The following LHFPL3 variants were observed in gnomAD, a reference collection of about 807,000 sequenced individuals.
LHFPL3 encodes the protein LHFPL tetraspan subfamily member 3 protein.
In LHFPL3, 5 loss-of-function variants were observed where a neutral mutation model predicts 19.3. The observed-to-expected ratio is 0.26, with a 90% confidence interval of 0.14 to 0.54. The LOEUF is 0.54. Among genes scored for constraint, LHFPL3 ranks in the 20% least tolerant of loss-of-function variants. The pLI is 0.94. For synonymous variants in LHFPL3, 133 were observed against 126.2 expected (o/e 1.05, Z -0.36); for missense variants, 249 against 307.4 (o/e 0.81, Z 1.42).
intron 1 of LHFPL3, among the ~76,000 whole-genome samples, chr7:104,705,542 A>G (rs964309224): frequency 1.1e-4 from 16 of 152,176 alleles, no homozygotes; most frequent in African/African-American, 3.9e-4. Flanking sequence ...TATGAGTAGG[A>G]GTCCCCAGGT....
At chr7:104,428,722 G>C (rs1008113836) in intron 1 of LHFPL3, among the ~76,000 whole-genome samples, 22 of 152,038 alleles carry the variant, frequency 1.4e-4, no homozygotes, top group African/African-American at 5.1e-4. Flanking sequence ...TTACTTTTTA[G>C]TTATTTTCAT....
chr7:104,431,920 G>A (rs1201111519), intron 1 of LHFPL3, among the ~76,000 whole-genome samples: 1 of 152,158 alleles, frequency 6.6e-6, no homozygotes, highest in Admixed American at 6.5e-5. Flanking sequence ...GACTGGGAGA[G>A]GAGGTAGAGG....
chr7:104,767,345 C>T (rs978708037), intron 2 of LHFPL3, among the ~76,000 whole-genome samples: 9 of 152,186 alleles, frequency 5.9e-5, no homozygotes, highest in Admixed American at 5.9e-4. Flanking sequence ...CCAGAGGTGC[C>T]TCTGGCAGAT....
chr7:104,776,742 T>C (rs556836541), intron 2 of LHFPL3, among the ~76,000 whole-genome samples: 8 of 152,352 alleles, frequency 5.3e-5, no homozygotes, highest in African/African-American at 1.9e-4. Flanking sequence ...ACAGTTCCCC[T>C]GTATTTGGTT....
chr7:104,586,992 T>C (rs962207906), intron 1 of LHFPL3, among the ~76,000 whole-genome samples: 13 of 152,144 alleles, frequency 8.5e-5, no homozygotes, highest in Non-Finnish European at 7.4e-5. Context: ...TTACTGTATA[T>C]GAGTGTGAAA....
intron 1 of LHFPL3, among the ~76,000 whole-genome samples, chr7:104,597,457 A>G (rs1378411770): frequency 6.6e-6 from 1 of 152,336 alleles, no homozygotes. Context: ...GGCTGCTGAT[A>G]ATGCAGTCAT....
intron 1 of LHFPL3, among the ~76,000 whole-genome samples, chr7:104,379,376 T>G (rs1272074261): frequency 6.6e-6 from 1 of 152,198 alleles, no homozygotes; most frequent in East Asian, 1.9e-4. Context: ...ATTGGGAATT[T>G]CCCTTGTAAG....
intron 2 of LHFPL3, among the ~76,000 whole-genome samples, chr7:104,737,211 T>C (rs1293519996): frequency 6.6e-6 from 1 of 152,156 alleles, no homozygotes; most frequent in Non-Finnish European, 1.5e-5. Context: ...CCATCAGAAC[T>C]TAATGGCTAA....
chr7:104,511,245 C>G (rs895139616), intron 1 of LHFPL3, among the ~76,000 whole-genome samples: 1 of 152,000 alleles, frequency 6.6e-6, no homozygotes, highest in Non-Finnish European at 1.5e-5. Flanking sequence ...GATATGCAAG[C>G]TAAAACCACA....
At chr7:104,814,810 C>A (rs191348336) in intron 2 of LHFPL3, among the ~76,000 whole-genome samples, 5 of 152,370 alleles carry the variant, frequency 3.3e-5, no homozygotes, top group Admixed American at 1.3e-4. Flanking sequence ...CTCGACTGGG[C>A]TGCGGCAGTG....
intron 2 of LHFPL3, among the ~76,000 whole-genome samples, chr7:104,779,849 C>T (rs762350202): frequency 6.6e-6 from 1 of 152,182 alleles, no homozygotes; most frequent in African/African-American, 2.4e-5. Context: ...AAGACTCCGT[C>T]GCCGGAGCAG....
At chr7:104,425,579 G>T (rs915239098) in intron 1 of LHFPL3, among the ~76,000 whole-genome samples, 4 of 152,090 alleles carry the variant, frequency 2.6e-5, no homozygotes, top group African/African-American at 9.7e-5. Flanking sequence ...GAAAAAGAGG[G>T]ACAAGAAATG....
chr7:104,614,720 T>C (rs1354820308), intron 1 of LHFPL3, among the ~76,000 whole-genome samples: 6 of 145,742 alleles, frequency 4.1e-5, no homozygotes, highest in Admixed American at 2.8e-4. Context: ...TCTTTCTTTC[T>C]TTCTTTCTTT....
chr7:104,665,644 G>A (rs1182640652), intron 1 of LHFPL3, among the ~76,000 whole-genome samples: 2 of 152,192 alleles, frequency 1.3e-5, no homozygotes, highest in Non-Finnish European at 2.9e-5. Flanking sequence ...TGTATACCTT[G>A]TTCATAACTT....
At chr7:104,473,273 T>C (rs929768629) in intron 1 of LHFPL3, among the ~76,000 whole-genome samples, 4 of 152,228 alleles carry the variant, frequency 2.6e-5, no homozygotes, top group Non-Finnish European at 5.9e-5. Flanking sequence ...TTGGCTTTTC[T>C]AAAGTTTTCC....
At chr7:104,521,951 A>G (rs1794072304) in intron 1 of LHFPL3, among the ~76,000 whole-genome samples, 5 of 152,098 alleles carry the variant, frequency 3.3e-5, no homozygotes, top group South Asian at 2.1e-4. Flanking sequence ...ACTGTAAACT[A>G]GTTCAACCAT....
intron 1 of LHFPL3, among the ~76,000 whole-genome samples, chr7:104,725,687 T>G (rs1027985635): frequency 2.0e-5 from 3 of 152,172 alleles, no homozygotes; most frequent in Admixed American, 6.5e-5. Flanking sequence ...GAGTACTGAC[T>G]AGTGACTGCT....
chr7:104,342,825 A>G (rs991700377), intron 1 of LHFPL3, among the ~76,000 whole-genome samples: 3 of 152,176 alleles, frequency 2.0e-5, no homozygotes, highest in African/African-American at 7.2e-5. Flanking sequence ...GAAAATTTGA[A>G]ACTGTACTGA....
At chr7:104,354,555 T>C (rs1339696043) in intron 1 of LHFPL3, among the ~76,000 whole-genome samples, 2 of 152,268 alleles carry the variant, frequency 1.3e-5, no homozygotes, top group Non-Finnish European at 2.9e-5. Flanking sequence ...CTCATTTTTC[T>C]AATTTTGGCC....
Sources: gnomAD v4.1 joint callset for allele counts (sites outside exome capture counted in the v4.1 genomes callset) on GRCh38, gnomAD v4.1.1 for gene constraint, MANE v1.5 for transcripts, NCBI Gene and HGNC (gene_info 2026-07-23, HGNC 2026-07-21) for gene names.